The following PFKFB3 variants were observed in gnomAD, a reference collection of about 807,000 sequenced individuals.
The protein encoded by PFKFB3 is 6-phosphofructo-2-kinase/fructose-2,6-bisphosphatase 3.
In PFKFB3, 33 loss-of-function variants were observed where a neutral mutation model predicts 68.0. The ratio of observed to expected loss-of-function variants is 0.49; its 90% confidence interval spans 0.37 to 0.65. The LOEUF (loss-of-function observed/expected upper bound fraction) is 0.65, where lower values mean the gene tolerates loss of function less well. Among genes scored for constraint, PFKFB3 ranks in the 30% least tolerant of loss-of-function variants. PFKFB3 has a pLI of 0.00. For synonymous variants in PFKFB3, 315 were observed against 288.2 expected (o/e 1.09, Z -0.94); for missense variants, 586 against 712.2 (o/e 0.82, Z 2.02).
chr10:6,285,012 C>T, the PFKFB3 span, among the ~76,000 whole-genome samples: 1 of 152,062 alleles, frequency 6.6e-6, no homozygotes, highest in African/African-American at 2.4e-5. Flanking sequence ...TTGTTTCTAC[C>T]TTTTGGCTAT....
chr10:6,287,349 C>G, the PFKFB3 span, among the ~76,000 whole-genome samples: 1 of 152,078 alleles, frequency 6.6e-6, no homozygotes, highest in African/African-American at 2.4e-5. Context: ...CCGGGCCTCT[C>G]AAAGTGCTGG....
chr10:6,160,558 A>G (rs148430713), intron 1 of PFKFB3, among the ~76,000 whole-genome samples: 15 of 152,214 alleles, frequency 9.9e-5, no homozygotes, highest in African/African-American at 3.4e-4. Flanking sequence ...TATACTAAAA[A>G]TACAAAAAAA....
downstream of PFKFB3, among the ~76,000 whole-genome samples, chr10:6,259,545 T>TCCATCCATCCATCCAC (rs1846521328): frequency 7.8e-6 from 1 of 128,854 alleles, no homozygotes; most frequent in Non-Finnish European, 1.7e-5. Flanking sequence ...CATCTGCTCA[T>TCCATCCATCCATCCAC]CCATCCATCC....
chr10:6,177,403 T>TCTCC (rs1842521139), intron 1 of PFKFB3, among the ~76,000 whole-genome samples: 1 of 143,966 alleles, frequency 6.9e-6, no homozygotes, highest in Non-Finnish European at 1.5e-5. Flanking sequence ...TTTCTTTCTT[T>TCTCC]CTTTCTTCTT....
At chr10:6,173,462 A>G (rs1441857844) in intron 1 of PFKFB3, among the ~76,000 whole-genome samples, 1 of 152,226 alleles carries the variant, frequency 6.6e-6, no homozygotes, top group Non-Finnish European at 1.5e-5. Context: ...TGCTGAATGC[A>G]GAGAACAAGA....
chr10:6,197,201 T>C (rs1475679287), intron 1 of PFKFB3, among the ~76,000 whole-genome samples: 1 of 152,140 alleles, frequency 6.6e-6, no homozygotes, highest in African/African-American at 2.4e-5. Flanking sequence ...GGTCTCGAAC[T>C]CCTGAACTCA....
downstream of PFKFB3, among the ~76,000 whole-genome samples, chr10:6,237,507 A>G (rs1846042388): frequency 1.3e-5 from 2 of 152,254 alleles, no homozygotes; most frequent in Admixed American, 1.3e-4. Context: ...AAAATATTGT[A>G]TTAACAAAAA....
At chr10:6,241,934 C>T (rs1846150969) in intron 14 of PFKFB3, among the ~76,000 whole-genome samples, 2 of 151,292 alleles carry the variant, frequency 1.3e-5, no homozygotes, top group African/African-American at 4.9e-5. Context: ...CAGCCTCTAA[C>T]ACCTGGGCTC....
At chr10:6,316,758 T>C in the PFKFB3 span, among the ~76,000 whole-genome samples, 1 of 152,216 alleles carries the variant, frequency 6.6e-6, no homozygotes, top group East Asian at 1.9e-4. Flanking sequence ...CCACTGTACC[T>C]GGCCAAGCTT....
chr10:6,224,177 C>T lies in PFKFB3; in HGVS notation c.1305C>T (p.Asn435=), dbSNP rs140195872. ...GCCGTGTGGAATCCATCTACCTGAA[C>T]GTGGAGTCCGTCTGCACACACCGGG... ...YGCRVESIYL[N]VESVCTHRER... Residue 435 remains asparagine (N), a synonymous_variant, in exon 13 of 15, where the codon AAC becomes AAT. Coordinates refer to ENST00000379775, the MANE Select transcript of PFKFB3 (RefSeq NM_004566.4). The T allele has an allele frequency of 9.3e-6, 15 of 1,613,978 alleles. No individual in the cohort carries two copies. Among genetic ancestry groups the T allele is most frequent in the African/African-American group, 2.7e-5 (2 of 74,904 alleles).
At chr10:6,230,658 G>T (rs1845676615) in intron 14 of PFKFB3, among the ~76,000 whole-genome samples, 2 of 151,968 alleles carry the variant, frequency 1.3e-5, no homozygotes, top group African/African-American at 4.8e-5. Context: ...CTCTGGGGCA[G>T]CAGGAACACC....
intron 1 of PFKFB3, among the ~76,000 whole-genome samples, chr10:6,192,547 G>A (rs890519692): frequency 6.6e-5 from 10 of 152,046 alleles, no homozygotes; most frequent in Admixed American, 5.9e-4. Context: ...TGGCCCCTGC[G>A]GGTCACCCGG....
chr10:6,176,619 C>A (rs2131764520), intron 1 of PFKFB3, among the ~76,000 whole-genome samples: 1 of 152,328 alleles, frequency 6.6e-6, no homozygotes. Flanking sequence ...CTCCTGGGCT[C>A]AAGCAATCCT....
downstream of PFKFB3, among the ~76,000 whole-genome samples, chr10:6,238,849 T>G (rs1350267331): frequency 2.0e-5 from 3 of 152,228 alleles, no homozygotes; most frequent in East Asian, 5.8e-4. Flanking sequence ...ATTAGTTTGC[T>G]GAGGATAATG....
chr10:6,319,614 T>C, the PFKFB3 span, among the ~76,000 whole-genome samples: 1 of 151,962 alleles, frequency 6.6e-6, no homozygotes, highest in Admixed American at 6.6e-5. Flanking sequence ...CAAATATCCA[T>C]GTAACACGTA....
At chr10:6,263,617 T>C in the PFKFB3 span, among the ~76,000 whole-genome samples, 1 of 152,238 alleles carries the variant, frequency 6.6e-6, no homozygotes, top group South Asian at 2.1e-4. Flanking sequence ...TGAAGAGTCC[T>C]GGCCCCAGAA....
Position 6,226,192 on chromosome 10 carries a change from G to T in PFKFB3, c.1342G>T (p.Asp448Tyr), listed in dbSNP as rs1209777069. The change falls in exon 14 of 15, where the codon GAT becomes TAT. Residue 448 changes from aspartate to tyrosine, a missense_variant and splice_region_variant. Coordinates refer to ENST00000379775, the MANE Select transcript of PFKFB3 (RefSeq NM_004566.4). ...TCTCTTTTGTCTTTGTCTTGCTTAG[G>T]ATGCAAAGAAGGGACCTAACCCGCT... ...SVCTHRERSE[D>Y]AKKGPNPLMR... The T allele has an allele frequency of 1.3e-6, 2 of 1,580,080 alleles. No individual in the cohort carries two copies. The highest frequency in any genetic ancestry group is 1.7e-6 in the Non-Finnish European group (2 of 1,165,348).
the PFKFB3 span, among the ~76,000 whole-genome samples, chr10:6,263,965 C>A: frequency 4.6e-5 from 7 of 152,356 alleles, no homozygotes; most frequent in Admixed American, 4.6e-4. Context: ...GGATTACAGG[C>A]GTGAGCCACT....
chr10:6,301,013 A>G, the PFKFB3 span, among the ~76,000 whole-genome samples: 2 of 152,214 alleles, frequency 1.3e-5, no homozygotes, highest in Admixed American at 6.5e-5. Context: ...CTGGTGCACC[A>G]TGGAGGCTGG....
Sources: gnomAD v4.1 joint callset for allele counts (sites outside exome capture counted in the v4.1 genomes callset) on GRCh38, gnomAD v4.1.1 for gene constraint, MANE v1.5 for transcripts, NCBI Gene and HGNC (gene_info 2026-07-23, HGNC 2026-07-21) for gene names.